The following BMPER variants were observed in gnomAD, a reference collection of about 807,000 sequenced individuals.
The protein encoded by BMPER is BMP binding endothelial regulator, also known as BMP-binding endothelial regulator protein.
A neutral mutation model predicts 87.3 loss-of-function variants in BMPER; 45 were observed. The ratio of observed to expected loss-of-function variants is 0.52; its 90% CI spans 0.41 to 0.66. The LOEUF is 0.66. BMPER is among the 30% of genes least tolerant of loss of function. The pLI, the probability that BMPER is intolerant of heterozygous loss-of-function variation, is 0.00. For synonymous variants in BMPER, 326 were observed against 316.2 expected (o/e 1.03, Z -0.33); for missense variants, 784 against 867.5 (o/e 0.90, Z 1.21).
intron 6 of BMPER, among the ~76,000 whole-genome samples, chr7:34,003,944 T>C (rs1269459693): frequency 6.6e-6 from 1 of 152,148 alleles, no homozygotes; most frequent in Non-Finnish European, 1.5e-5. Context: ...GATTAATGTT[T>C]TCATTAAATT....
chr7:34,062,155 T>G (rs1009234006), intron 11 of BMPER, 108 bp downstream of exon 11: 34 of 1,042,316 alleles, frequency 3.3e-5, no homozygotes, highest in Admixed American at 2.0e-5. Context: ...TTTGTAGGTA[T>G]ATATAGGATG....
chr7:34,090,056 T>C (rs533758972), intron 13 of BMPER, among the ~76,000 whole-genome samples: 89 of 152,368 alleles, frequency 5.8e-4, no homozygotes, highest in African/African-American at 1.9e-3. Context: ...CTTGCTTTAA[T>C]TAACTAACTG....
Position 33,928,405 on chromosome 7 carries a change from G to A in BMPER, c.220-8884G>A, listed in dbSNP as rs377022738. Among the ~76,000 whole-genome samples, 40 of 152,038 alleles carry A rather than the reference G, an allele frequency of 2.6e-4. No homozygotes were observed. The East Asian group carries it at 4.1e-3, about 15-fold the overall frequency. On this transcript the variant is annotated intron_variant, in intron 2 of 14. Transcript: ENST00000649409. The stretch of plus-strand genomic sequence containing the variant: ...CCAGCAGACCCTTTGCTTATACGAC[G>A]CGCAGTCTAATAAAAAACAGGCAGT...
intron 13 of BMPER, among the ~76,000 whole-genome samples, chr7:34,090,385 A>G (rs1485396816): frequency 2.0e-5 from 3 of 152,196 alleles, no homozygotes; most frequent in South Asian, 2.1e-4. Flanking sequence ...TCTCATATTC[A>G]TCTCTCTTCT....
At chr7:34,116,280 T>G (rs1247748274) in intron 13 of BMPER, among the ~76,000 whole-genome samples, 1 of 152,236 alleles carries the variant, frequency 6.6e-6, no homozygotes, top group Non-Finnish European at 1.5e-5. Flanking sequence ...GGCTGGCTAG[T>G]TGGCTGATTG....
chr7:34,146,063 G>A (rs974313164), intron 14 of BMPER, among the ~76,000 whole-genome samples: 35 of 151,162 alleles, frequency 2.3e-4, no homozygotes, highest in Admixed American at 7.2e-4. Context: ...ATACACACAC[G>A]CACACACACA....
At chr7:34,088,227 C>T (rs1257594291) in intron 13 of BMPER, among the ~76,000 whole-genome samples, 1 of 152,158 alleles carries the variant, frequency 6.6e-6, no homozygotes, top group African/African-American at 2.4e-5. Context: ...GGTAGAGTGC[C>T]CTTCCACAGT....
At chr7:33,957,414 A>G (rs554961314) in intron 3 of BMPER, among the ~76,000 whole-genome samples, 64 of 151,358 alleles carry the variant, frequency 4.2e-4, no homozygotes, top group African/African-American at 1.5e-3. Flanking sequence ...ATAGAAATGG[A>G]GAGCTGACTA....
chr7:33,994,631 A>G (rs1384887124), intron 6 of BMPER, among the ~76,000 whole-genome samples: 1 of 152,126 alleles, frequency 6.6e-6, no homozygotes, highest in African/African-American at 2.4e-5. Context: ...CTATTCGGCC[A>G]TCTTGTGTTT....
At chr7:34,130,083 A>G (rs1257378164) in intron 13 of BMPER, among the ~76,000 whole-genome samples, 1 of 151,812 alleles carries the variant, frequency 6.6e-6, no homozygotes, top group Admixed American at 6.6e-5. Context: ...TCCTGATATT[A>G]TGTCACCAGT....
chr7:33,983,900 G>A (rs1485282178), intron 6 of BMPER, among the ~76,000 whole-genome samples: 1 of 152,108 alleles, frequency 6.6e-6, no homozygotes, highest in Non-Finnish European at 1.5e-5. Context: ...CACAATAAAA[G>A]AATAAATTAC....
intron 2 of BMPER, among the ~76,000 whole-genome samples, chr7:33,916,624 C>T (rs540822969): frequency 6.6e-6 from 1 of 152,354 alleles, no homozygotes; most frequent in South Asian, 2.1e-4. Context: ...ACTAGAAGTC[C>T]TGCCAACTCC....
chr7:33,905,505 C>A (rs537668655), upstream of BMPER: 1 of 1,394,848 alleles, frequency 7.2e-7, no homozygotes, highest in Non-Finnish European at 9.5e-7. Flanking sequence ...CCTTCGCGGA[C>A]GGTCTCCCGA....
At chr7:34,062,543 G>A (rs1020107175) in intron 11 of BMPER, among the ~76,000 whole-genome samples, 1 of 149,718 alleles carries the variant, frequency 6.7e-6, no homozygotes, top group Non-Finnish European at 1.5e-5. Context: ...AGAAGTCATC[G>A]GGCTGATGGT....
intron 14 of BMPER, among the ~76,000 whole-genome samples, chr7:34,144,145 G>A (rs992816814): frequency 1.3e-5 from 2 of 152,156 alleles, no homozygotes; most frequent in Non-Finnish European, 2.9e-5. Flanking sequence ...TTTCAGCCTA[G>A]CCCTGAAGGA....
intron 13 of BMPER, among the ~76,000 whole-genome samples, chr7:34,122,178 G>T (rs2127989539): frequency 6.6e-6 from 1 of 152,174 alleles, no homozygotes; most frequent in African/African-American, 2.4e-5. Context: ...CAAAGACTCT[G>T]CTGAACAGAT....
At chr7:33,907,009 C>T in intron 2 of BMPER, 106 bp downstream of exon 2, 1 of 1,060,852 alleles carries the variant, frequency 9.4e-7, no homozygotes, top group South Asian at 1.3e-5. Context: ...TTTATCATTA[C>T]AAAATTGCAC....
chr7:34,107,371 G>A (rs1402745858), intron 13 of BMPER, among the ~76,000 whole-genome samples: 2 of 152,192 alleles, frequency 1.3e-5, no homozygotes, highest in Non-Finnish European at 2.9e-5. Flanking sequence ...CTTATTAACT[G>A]AAGAGCATTC....
chr7:34,023,915 T>C (rs1787266744), intron 6 of BMPER, among the ~76,000 whole-genome samples: 2 of 151,908 alleles, frequency 1.3e-5, no homozygotes, highest in African/African-American at 2.4e-5. Flanking sequence ...AAGAATATGT[T>C]GGTAGACTTT....
Sources: allele counts gnomAD v4.1 joint callset (sites outside exome capture counted in the v4.1 genomes callset), GRCh38; gene constraint gnomAD v4.1.1; transcripts MANE v1.5; gene names NCBI Gene and HGNC (gene_info 2026-07-23, HGNC 2026-07-21).